Variants in CD96 observed in about 807,000 individuals in gnomAD.
CD96 encodes the protein CD96 molecule.
Under a neutral mutation model 71.3 loss-of-function variants are expected in CD96, and 70 were observed. The observed-to-expected ratio is 0.98, with a 90% confidence interval of 0.81 to 1.20. CD96 has a LOEUF of 1.20. CD96 is among the 50% of genes most tolerant of loss of function. The pLI is 0.00. For synonymous variants in CD96, 248 were observed against 233.0 expected, an observed-to-expected ratio of 1.06 and a Z score of -0.59; for missense variants, 742 against 677.5, an observed-to-expected ratio of 1.10 and a Z score of -1.06.
At chr3:111,544,930 C>T in intron 1 of CD96, 116 bp from the exon 2 acceptor site, 3 of 832,440 alleles carry the variant, frequency 3.6e-6, no homozygotes, top group Non-Finnish European at 4.2e-6. Context: ...CCTAAAGCAG[C>T]CAGGGAGAAA....
intron 12 of CD96, among the ~76,000 whole-genome samples, chr3:111,646,539 G>GT (rs1031896511): frequency 3.5e-5 from 5 of 143,410 alleles, no homozygotes; most frequent in Non-Finnish European, 7.6e-5. Context: ...TTACTGAAAA[G>GT]TAAAAAAAAA....
At chr3:111,594,814 C>G (rs1937178846) in intron 5 of CD96, 1 of 167,174 alleles carries the variant, frequency 6.0e-6, no homozygotes, top group African/African-American at 2.4e-5. Flanking sequence ...AGAACTGTTG[C>G]AACAAGCAAT....
At chr3:111,593,571 C>A in intron 5 of CD96, 1 of 1,537,958 alleles carries the variant, frequency 6.5e-7, no homozygotes, top group Admixed American at 2.0e-5. Flanking sequence ...GGATGTACTG[C>A]TGCAGGCAGC....
chr3:111,606,687 C>G lies in CD96; in HGVS notation c.1088-13C>G. 1 of 1,332,674 alleles carries G rather than the reference C, an allele frequency of 7.5e-7. No individual in the cohort carries two copies. Among genetic ancestry groups the G allele is most frequent in the Non-Finnish European group, 1.1e-6 (1 of 923,064 alleles). The allele number at this position is 1,332,674 out of a possible 1,614,324, so 82.6% of individuals were successfully genotyped here. On this transcript the variant is annotated splice_polypyrimidine_tract_variant and intron_variant, in intron 7 of 13. Transcript: ENST00000352690. ...TATTTTGTTCATTATAAATCTCTTTCTAATCCTTTAAGGTTCTGAAATTTC... is the reference window on the plus strand; with the variant it reads ...TATTTTGTTCATTATAAATCTCTTTGTAATCCTTTAAGGTTCTGAAATTTC...
intron 3 of CD96, among the ~76,000 whole-genome samples, chr3:111,572,197 T>G (rs76799468): frequency 6.6e-6 from 1 of 152,178 alleles, no homozygotes; most frequent in Non-Finnish European, 1.5e-5. Context: ...GCAACACACC[T>G]TCCCAACCCT....
intron 7 of CD96, among the ~76,000 whole-genome samples, 199 bp downstream of exon 7, chr3:111,601,113 A>G (rs1937478627): frequency 6.6e-6 from 1 of 152,244 alleles, no homozygotes; most frequent in South Asian, 2.1e-4. Context: ...TAAAAAGAAA[A>G]TAGTTGATTC....
At chr3:111,549,488 T>C (rs1934587625) in intron 2 of CD96, among the ~76,000 whole-genome samples, 2 of 152,130 alleles carry the variant, frequency 1.3e-5, no homozygotes, top group Non-Finnish European at 2.9e-5. Flanking sequence ...CAAAAATGCA[T>C]CTTTGTGGTT....
chr3:111,635,473 C>A (rs1002672869), intron 10 of CD96, among the ~76,000 whole-genome samples: 1 of 151,986 alleles, frequency 6.6e-6, no homozygotes, highest in Non-Finnish European at 1.5e-5. Context: ...CATGAAATTA[C>A]AAAAAGAAAA....
chr3:111,590,035 C>A (rs940797000), intron 5 of CD96, among the ~76,000 whole-genome samples: 2 of 152,170 alleles, frequency 1.3e-5, no homozygotes, highest in African/African-American at 4.8e-5. Context: ...TCTTCCCTAC[C>A]CACTATTTAT....
chr3:111,569,428 A>G (rs1935872182), intron 3 of CD96, among the ~76,000 whole-genome samples: 3 of 152,236 alleles, frequency 2.0e-5, no homozygotes, highest in Admixed American at 6.5e-5. Flanking sequence ...GGATGAGTAT[A>G]AGTCCATTGT....
At chr3:111,593,150 GGCAC>G in intron 5 of CD96, 3 of 164,610 alleles carry the variant, frequency 1.8e-5, no homozygotes, top group South Asian at 1.8e-4. Context: ...TGGTCACATA[GGCAC>G]ATTCCAGCTA....
intron 5 of CD96, among the ~76,000 whole-genome samples, chr3:111,586,296 T>A (rs914702232): frequency 2.0e-5 from 3 of 152,226 alleles, no homozygotes; most frequent in African/African-American, 7.2e-5. Flanking sequence ...GAGAAAATTA[T>A]ATTCATTCTA....
At chr3:111,636,963 C>T (rs1262173743) in intron 10 of CD96, among the ~76,000 whole-genome samples, 1 of 152,052 alleles carries the variant, frequency 6.6e-6, no homozygotes, top group South Asian at 2.1e-4. Flanking sequence ...TCTTTTCCTG[C>T]TTCTAAGTGG....
At position 111,542,555 on chromosome 3, in the gene CD96, T is replaced by A. The variant is rs1487732995; in HGVS notation, c.61+246T>A. 2.0e-5 allele frequency among the ~76,000 whole-genome samples: 3 copies of A among 152,348 alleles called. No homozygotes were observed. In the East Asian group the frequency reaches 5.8e-4, roughly 29 times the overall value. On this transcript the variant is annotated intron_variant, in intron 1 of 13. Transcript: ENST00000352690. ...ATTTGTGCCACTGCTCTGAGGCATT[T>A]TCACCCATTTCCTTTCTAACAGGAT...
chr3:111,582,833 C>G (rs1936531064), intron 4 of CD96, among the ~76,000 whole-genome samples: 2 of 152,150 alleles, frequency 1.3e-5, no homozygotes, highest in Non-Finnish European at 2.9e-5. Context: ...CCACCAGGTC[C>G]CTTCTGGGAG....
chr3:111,585,797 T>C (rs1180676113), intron 5 of CD96, among the ~76,000 whole-genome samples: 2 of 152,094 alleles, frequency 1.3e-5, no homozygotes, highest in South Asian at 2.1e-4. Flanking sequence ...TATTTCAAAG[T>C]GACAGGAGGA....
At chr3:111,628,190 A>G (rs1332961754) in intron 10 of CD96, among the ~76,000 whole-genome samples, 5 of 152,242 alleles carry the variant, frequency 3.3e-5, no homozygotes, top group Non-Finnish European at 7.3e-5. Flanking sequence ...CACTGAAATG[A>G]CAGAAGTAGC....
At chr3:111,562,175 C>T (rs761266792) in intron 2 of CD96, among the ~76,000 whole-genome samples, 1 of 152,240 alleles carries the variant, frequency 6.6e-6, no homozygotes, top group Non-Finnish European at 1.5e-5. Flanking sequence ...TCTTCTGCGT[C>T]GCTCACGTTG....
Position 111,651,026 on chromosome 3 carries a change from CAG to C in CD96, c.*1223_*1224del, listed in dbSNP as rs1486870373. 1.3e-5 allele frequency: 2 copies of C among 152,218 alleles called. No individual in the cohort carries two copies. The highest frequency in any genetic ancestry group is 4.8e-5 in the African/African-American group (2 of 41,456). 9.4% of individuals were successfully genotyped at this position (152,218 alleles called of 1,614,324 possible). A position where few individuals can be genotyped will look rare whatever the true frequency, so the allele number is the denominator to read the frequency against. ...TGACTGCACATGAGAATGCCTTGTG[CAG>C]AGTTATTTGGAGATTATGTCTTTTT... On this transcript the variant is annotated 3_prime_UTR_variant, in exon 14 of 14. Transcript: ENST00000352690.
Sources: gnomAD v4.1 joint callset for allele counts (sites outside exome capture counted in the v4.1 genomes callset) on GRCh38, gnomAD v4.1.1 for gene constraint, MANE v1.5 for transcripts, NCBI Gene and HGNC (gene_info 2026-07-23, HGNC 2026-07-21) for gene names.